Variants in SF3A1 observed in about 807,000 individuals in gnomAD.
The protein encoded by SF3A1 is SAP 114.
SF3A1 carries 13 observed loss-of-function variants against 89.9 expected under a neutral mutation model. The ratio of observed to expected loss-of-function variants is 0.14; its 90% CI spans 0.09 to 0.23. The LOEUF is 0.23. Among genes scored for constraint, SF3A1 ranks in the 10% least tolerant of loss-of-function variants. The pLI, the probability that SF3A1 is intolerant of heterozygous loss-of-function variation, is 1.00. For missense variants in SF3A1, 604 were observed against 1,022.1 expected (o/e 0.59, Z 5.58); for synonymous variants, 405 against 374.4 (o/e 1.08, Z -0.94).
chr22:30,350,225 G>A (rs968069108), intron 2 of SF3A1, among the ~76,000 whole-genome samples: 1 of 151,690 alleles, frequency 6.6e-6, no homozygotes, highest in African/African-American at 2.4e-5. Context: ...TGTGGTGGCT[G>A]AGACATGAGG....
At chr22:30,341,013 G>A (rs571750133) in intron 7 of SF3A1, among the ~76,000 whole-genome samples, 6 of 152,054 alleles carry the variant, frequency 3.9e-5, no homozygotes, top group Admixed American at 6.5e-5. Flanking sequence ...CTGAGGCCAC[G>A]GTCCTAGCAC....
chr22:30,350,991 G>A (rs1931574551), intron 2 of SF3A1, among the ~76,000 whole-genome samples: 1 of 152,224 alleles, frequency 6.6e-6, no homozygotes, highest in Non-Finnish European at 1.5e-5. Flanking sequence ...AATCTGCAGA[G>A]CTGACATAGT....
chr22:30,351,107 T>C (rs1163894955), intron 2 of SF3A1, among the ~76,000 whole-genome samples: 2 of 152,206 alleles, frequency 1.3e-5, no homozygotes, highest in Admixed American at 1.3e-4. Flanking sequence ...GAGACCAGCC[T>C]GGCCAACACG....
At chr22:30,338,389 C>T (rs953664025) in intron 11 of SF3A1, among the ~76,000 whole-genome samples, 5 of 147,640 alleles carry the variant, frequency 3.4e-5, no homozygotes, top group African/African-American at 7.5e-5. Flanking sequence ...ACTCGGGAGG[C>T]GGAGGTTGCG....
rs1335323859 is a variant in SF3A1, at chr22:30,332,398, G to A, written c.*2196C>T. On this transcript the variant is annotated 3_prime_UTR_variant, in exon 16 of 16. Coordinates refer to ENST00000215793, the MANE Select transcript of SF3A1 (RefSeq NM_005877.6). The stretch of plus-strand genomic sequence containing the variant: ...TGTTTTCCCAGCAGTCCTGCAACAG[G>A]AGCACTTATTCCTATTTCATAGTGT... 1 of 152,176 alleles carries A rather than the reference G, an allele frequency of 6.6e-6. No individual in the cohort carries two copies. Among genetic ancestry groups the A allele is most frequent in the African/African-American group, 2.4e-5 (1 of 41,446 alleles). The allele number at this position is 152,176 out of a possible 1,614,324, so 9.4% of individuals were successfully genotyped here.
chr22:30,348,572 T>C (rs576594248), intron 2 of SF3A1, among the ~76,000 whole-genome samples: 17 of 152,328 alleles, frequency 1.1e-4, no homozygotes, highest in Middle Eastern at 3.4e-3. Flanking sequence ...ACAGCAATTA[T>C]GTGCCACACT....
At position 30,334,525 on chromosome 22, in the gene SF3A1, G is replaced by C. The variant is rs1390759797; in HGVS notation, c.*69C>G. The C allele has an allele frequency of 1.0e-6, 1 of 963,982 alleles. No homozygotes were observed. Among genetic ancestry groups the C allele is most frequent in the East Asian group, 2.8e-5 (1 of 36,336 alleles). The allele number at this position is 963,982 out of a possible 1,614,324, so 59.7% of individuals were successfully genotyped here. On this transcript the variant is annotated 3_prime_UTR_variant, in exon 16 of 16. Transcript: ENST00000215793. Reference sequence around the variant, plus strand: ...AAGGCAAAGCCTCAGGGGGGCTCCTGGGTCTGGGGCAGGGGGTGGGAGACA... The same window carrying C: ...AAGGCAAAGCCTCAGGGGGGCTCCTCGGTCTGGGGCAGGGGGTGGGAGACA...
rs1931006072 is a variant in SF3A1 at position 30,334,480 on chromosome 22, A to C, written c.*114T>G. On this transcript the variant is annotated 3_prime_UTR_variant, in exon 16 of 16. Transcript: ENST00000215793. ...AATTTGAATTCCCAAACTGAGTAAG[A>C]GCGAAACAAATATGCAGGCAAGGCA... 2 of 647,918 alleles carry C rather than the reference A, an allele frequency of 3.1e-6. No homozygotes were observed. Among genetic ancestry groups the C allele is most frequent in the Non-Finnish European group, 5.4e-6 (2 of 372,192 alleles). 40.1% of individuals were successfully genotyped at this position (647,918 alleles called of 1,614,324 possible).
intron 2 of SF3A1, among the ~76,000 whole-genome samples, chr22:30,349,940 T>C (rs568130256): frequency 6.6e-6 from 1 of 152,228 alleles, no homozygotes; most frequent in Non-Finnish European, 1.5e-5. Context: ...CCACCTAACC[T>C]GGTCATATAT....
In SF3A1 at chr22:30,334,252, T is replaced by C; in HGVS notation, c.*342A>G. On this transcript the variant is annotated 3_prime_UTR_variant, in exon 16 of 16. Transcript: ENST00000215793. ...AAATGATTAATGACAATATCAGCCATATTCTATTAGCCAAGTGCCACCTGT... is the reference window on the plus strand; with the variant it reads ...AAATGATTAATGACAATATCAGCCACATTCTATTAGCCAAGTGCCACCTGT... 1 of 189,262 alleles carries C rather than the reference T, an allele frequency of 5.3e-6. No homozygotes were observed. The highest frequency in any genetic ancestry group is 1.1e-5 in the Non-Finnish European group (1 of 92,764). 11.7% of individuals were successfully genotyped at this position (189,262 alleles called of 1,614,324 possible). A position where few individuals can be genotyped will look rare whatever the true frequency, so the allele number is the denominator to read the frequency against.
At chr22:30,346,281 G>T in intron 3 of SF3A1, 31 bp downstream of exon 3, 1 of 1,434,872 alleles carries the variant, frequency 7.0e-7, no homozygotes, top group Non-Finnish European at 9.8e-7. Flanking sequence ...CTCAAGCCCT[G>T]CGTAAGTGAA....
At chr22:30,345,359 A>G (rs1931388125) in intron 3 of SF3A1, among the ~76,000 whole-genome samples, 169 bp from the exon 4 acceptor site, 1 of 152,190 alleles carries the variant, frequency 6.6e-6, no homozygotes, top group African/African-American at 2.4e-5. Flanking sequence ...ATTCTAAATC[A>G]CAAGAGCATT....
chr22:30,340,606 G>T, intron 8 of SF3A1, 89 bp downstream of exon 8: 1 of 905,616 alleles, frequency 1.1e-6, no homozygotes, highest in Non-Finnish European at 1.8e-6. Context: ...TGCACCTCAA[G>T]CCCTCCTAGA....
intron 9 of SF3A1, among the ~76,000 whole-genome samples, chr22:30,339,758 T>C (rs570498165): frequency 6.6e-6 from 1 of 152,082 alleles, no homozygotes; most frequent in Non-Finnish European, 1.5e-5. Context: ...CCGTCATTCA[T>C]AAATAAAACA....
At position 30,339,123 on chromosome 22, in the gene SF3A1, G is replaced by C. The variant is rs753614824; in HGVS notation, c.1497+7C>G. The C allele has an allele frequency of 6.2e-7, 1 of 1,614,060 alleles. No individual in the cohort carries two copies. Reference sequence around the variant, plus strand: ...AGAGAAGGCACTAGGTTCCACTTTAGCCGCACCTTTTCCTCTGGCTTCTGG... The same window carrying C: ...AGAGAAGGCACTAGGTTCCACTTTACCCGCACCTTTTCCTCTGGCTTCTGG... On this transcript the variant is annotated splice_region_variant and intron_variant, in intron 10 of 15. Transcript: ENST00000215793.
intron 1 of SF3A1, among the ~76,000 whole-genome samples, chr22:30,353,274 G>A (rs567649280): frequency 5.6e-4 from 85 of 152,316 alleles, no homozygotes; most frequent in Non-Finnish European, 9.1e-4. Context: ...AGGGAGAAGA[G>A]CAGCTTCCCT....
In SF3A1 at chr22:30,337,775, G is replaced by C; in HGVS notation, c.1866C>G (p.His622Gln). 6.3e-7 allele frequency: 1 copy of C among 1,594,586 alleles called. No individual in the cohort carries two copies. The highest frequency in any genetic ancestry group is 8.5e-7 in the Non-Finnish European group (1 of 1,172,148). Residue 622 changes from histidine (H) to glutamine (Q), a missense_variant, in exon 12 of 16, where the codon CAC (histidine) becomes CAG (glutamine). Coordinates refer to ENST00000215793, the MANE Select transcript of SF3A1 (RefSeq NM_005877.6). ...SVIAPMPPIIHAPRINVVPMP... is the reference protein window; with the variant it reads ...SVIAPMPPIIQAPRINVVPMP... ...TGGGCACCACGTTGATTCTGGGCGC[G>C]TGGATGATGGGCGGCATGGGGGCGA...
chr22:30,336,241 G>A (rs1931062106), intron 13 of SF3A1, among the ~76,000 whole-genome samples: 1 of 152,176 alleles, frequency 6.6e-6, no homozygotes, highest in Admixed American at 6.5e-5. Flanking sequence ...CAAACAGAGC[G>A]GGTGCAGTGG....
At chr22:30,354,619 A>G (rs1032288432) in intron 1 of SF3A1, among the ~76,000 whole-genome samples, 4 of 152,002 alleles carry the variant, frequency 2.6e-5, no homozygotes, top group Non-Finnish European at 5.9e-5. Context: ...GTCCCAGAAC[A>G]CTCTTGTGTA....
Sources: gnomAD v4.1 joint callset for allele counts (sites outside exome capture counted in the v4.1 genomes callset) on GRCh38, gnomAD v4.1.1 for gene constraint, MANE v1.5 for transcripts, NCBI Gene and HGNC (gene_info 2026-07-23, HGNC 2026-07-21) for gene names.